The following AGFG1 variants were observed in gnomAD, a reference collection of about 807,000 sequenced individuals.
The protein encoded by AGFG1 is arf-GAP domain and FG repeat-containing protein 1.
AGFG1 carries 10 observed loss-of-function variants against 60.6 expected under a neutral mutation model. That is an observed-to-expected ratio of 0.16 (90% CI 0.10 to 0.28). AGFG1 has a LOEUF of 0.28. Ranked by LOEUF, AGFG1 falls within the 10% of genes least tolerant of loss-of-function variation. AGFG1 has a pLI of 1.00. For missense variants in AGFG1, 537 were observed against 676.5 expected (o/e 0.79, Z 2.29); for synonymous variants, 247 against 242.9 (o/e 1.02, Z -0.16).
chr2:227,508,320 G>T (rs977719092), intron 2 of AGFG1: 4 of 200,676 alleles, frequency 2.0e-5, no homozygotes, highest in African/African-American at 9.3e-5. Context: ...GTTTTAAGAG[G>T]TGGCTGGTAT....
At chr2:227,544,781 T>C (rs1295763523) in intron 10 of AGFG1, among the ~76,000 whole-genome samples, 2 of 152,316 alleles carry the variant, frequency 1.3e-5, no homozygotes, top group African/African-American at 4.8e-5. Context: ...TGTTGAATAT[T>C]GGCCACCACT....
intron 2 of AGFG1, among the ~76,000 whole-genome samples, chr2:227,492,535 T>A (rs1690850597): frequency 6.6e-6 from 1 of 152,090 alleles, no homozygotes; most frequent in Non-Finnish European, 1.5e-5. Flanking sequence ...AGAAAATATA[T>A]GCAAGCATTT....
intron 2 of AGFG1, among the ~76,000 whole-genome samples, chr2:227,492,188 T>C (rs188087476): frequency 1.3e-5 from 2 of 152,268 alleles, no homozygotes; most frequent in East Asian, 3.9e-4. Flanking sequence ...TTCTTGCCTT[T>C]AATGGGCTTC....
In AGFG1 at chr2:227,536,907, C is replaced by T. The variant is rs539587968; in HGVS notation, c.1292C>T (p.Pro431Leu). The T allele has an allele frequency of 1.2e-6, 2 of 1,611,966 alleles. No homozygotes were observed. Among genetic ancestry groups the T allele is most frequent in the Admixed American group, 1.7e-5 (1 of 59,938 alleles). Residue 431 changes from proline to leucine, a missense_variant, in exon 10 of 13, where the codon CCT (proline) becomes CTT (leucine). By Grantham distance (98) the Pro-to-Leu change is moderately conservative. Around this residue, in one of 4 missense-constraint regions of AGFG1, gnomAD observed 287 missense variants for 343.6 expected, o/e 0.84. Coordinates refer to ENST00000310078, the MANE Select transcript of AGFG1 (RefSeq NM_004504.5). The stretch of plus-strand genomic sequence containing the variant: ...ATTTTATAATTTTTTAAAGCTACGC[C>T]TTCCACAAATCCATTTGTTGCTGCT... Reference protein sequence around the residue: ...SSVPAPFGATPSTNPFVAAAG... With the variant: ...SSVPAPFGATLSTNPFVAAAG...
At position 227,536,581 on chromosome 2, in the gene AGFG1, T is replaced by A. The variant is rs764727488; in HGVS notation, c.1206-44T>A. 11 of 1,564,466 alleles carry A rather than the reference T, an allele frequency of 7.0e-6. No homozygotes were observed. The East Asian group carries it at 2.0e-4, about 29-fold the overall frequency. On this transcript the variant is annotated intron_variant, in intron 8 of 12. Transcript: ENST00000310078. ...TACCCTGTAAATCGTTACTTTCTTT[T>A]TTTTTTAAGAAAAAAAATGAACTCT... is the stretch of plus-strand genomic sequence containing the variant.
chr2:227,491,164 ATT>A (rs781196052), intron 1 of AGFG1, among the ~76,000 whole-genome samples: 10 of 152,174 alleles, frequency 6.6e-5, no homozygotes, highest in Admixed American at 2.6e-4. Context: ...TTATTATATC[ATT>A]GTTTCTTAGG....
At chr2:227,533,815 G>T (rs976365949) in intron 7 of AGFG1, 57 bp downstream of exon 7, 2 of 1,476,484 alleles carry the variant, frequency 1.4e-6, no homozygotes, top group African/African-American at 2.8e-5. Flanking sequence ...CTCTTAATTT[G>T]GTTGTATTTA....
In AGFG1 at chr2:227,491,577, A is replaced by G. The variant is rs145521380; in HGVS notation, c.198A>G (p.Lys66=). 8.3e-6 allele frequency: 13 copies of G among 1,567,818 alleles called. No individual in the cohort carries two copies. Among genetic ancestry groups the G allele is most frequent in the African/African-American group, 8.2e-5 (6 of 73,046 alleles). The change falls in exon 2 of 13, where the codon AAA becomes AAG. Residue 66 remains lysine (K), a synonymous_variant. Transcript: ENST00000310078. The stretch of plus-strand genomic sequence containing the variant: ...GATTAAATCCACCACACAGGGTGAA[A>G]TCTATCTCCATGACAACATTCACAC... The part of the protein sequence containing the change: ...LRGLNPPHRV[K]SISMTTFTQQ...
chr2:227,523,901 C>T lies in AGFG1; in HGVS notation c.516C>T (p.His172=), dbSNP rs933367043. 11 of 1,613,570 alleles carry T rather than the reference C, an allele frequency of 6.8e-6. No individual in the cohort carries two copies. Among genetic ancestry groups the T allele is most frequent in the Admixed American group, 1.7e-5 (1 of 59,930 alleles). ...SLLGDSAPTL[H]LNKGTPSQSP... ...TAGGGGATTCTGCACCAACACTGCA[C>T]TTAAATAAGGGCACACCTAGTCAGG... Residue 172 remains histidine (H), a synonymous_variant, in exon 4 of 13, where the codon CAC becomes CAT. Coordinates refer to ENST00000310078, the MANE Select transcript of AGFG1 (RefSeq NM_004504.5).
intron 1 of AGFG1, among the ~76,000 whole-genome samples, chr2:227,489,673 A>G (rs1690744610): frequency 6.6e-6 from 1 of 152,156 alleles, no homozygotes; most frequent in African/African-American, 2.4e-5. Flanking sequence ...ACTTTTCCCT[A>G]CTTTGAAATT....
At chr2:227,472,980 G>C (rs1690153961) in intron 1 of AGFG1, among the ~76,000 whole-genome samples, 2 of 150,748 alleles carry the variant, frequency 1.3e-5, no homozygotes, top group Non-Finnish European at 3.0e-5. Context: ...AAGACGCTAG[G>C]AGGCCGGGGG....
intron 1 of AGFG1, among the ~76,000 whole-genome samples, 162 bp from the exon 2 acceptor site, chr2:227,491,385 T>G (rs1690812020): frequency 1.3e-5 from 2 of 152,310 alleles, no homozygotes; most frequent in Admixed American, 1.3e-4. Context: ...TATCTATTAT[T>G]AAGTTTAATA....
intron 10 of AGFG1, among the ~76,000 whole-genome samples, chr2:227,548,896 C>T (rs555381037): frequency 1.7e-4 from 26 of 152,220 alleles, no homozygotes; most frequent in African/African-American, 5.8e-4. Context: ...GAGATCACAC[C>T]ACTGCACTCC....
intron 3 of AGFG1, among the ~76,000 whole-genome samples, chr2:227,522,773 C>CA (rs1483615661): frequency 6.6e-6 from 1 of 152,164 alleles, no homozygotes; most frequent in Non-Finnish European, 1.5e-5. Context: ...TTACAAAGAG[C>CA]AAAAGCTCTC....
At chr2:227,509,679 T>A (rs1234474183) in intron 2 of AGFG1, among the ~76,000 whole-genome samples, 2 of 151,996 alleles carry the variant, frequency 1.3e-5, no homozygotes, top group African/African-American at 4.8e-5. Context: ...GGGATGTGTT[T>A]CCACTATCAA....
intron 10 of AGFG1, among the ~76,000 whole-genome samples, chr2:227,543,469 T>C (rs1219188391): frequency 2.0e-5 from 3 of 152,142 alleles, no homozygotes; most frequent in African/African-American, 7.2e-5. Context: ...GCGGTTTTGA[T>C]TGAGTTTCTT....
At position 227,480,269 on chromosome 2, in the gene AGFG1, C is replaced by T. The variant is rs183641412; in HGVS notation, c.167+7681C>T. ...GGGAGAGGTAATACATTTATTTTTA[C>T]GACTCTAGGGGGAGATGCAACACCA... On this transcript the variant is annotated intron_variant, in intron 1 of 12. Coordinates refer to ENST00000310078, the MANE Select transcript of AGFG1 (RefSeq NM_004504.5). 2.6e-5 allele frequency among the ~76,000 whole-genome samples: 4 copies of T among 152,176 alleles called. No individual in the cohort carries two copies. In the East Asian group the frequency reaches 5.8e-4, roughly 22 times the overall value.
At chr2:227,489,971 A>G (rs542623562) in intron 1 of AGFG1, among the ~76,000 whole-genome samples, 89 of 152,126 alleles carry the variant, frequency 5.9e-4, no homozygotes, top group African/African-American at 1.9e-3. Flanking sequence ...GCATGCCACC[A>G]CGCCCAGCTT....
chr2:227,538,787 G>T, intron 10 of AGFG1, among the ~76,000 whole-genome samples: 1 of 152,020 alleles, frequency 6.6e-6, no homozygotes, highest in Non-Finnish European at 1.5e-5. Context: ...TGCAAGTTTT[G>T]TAAAAGTTGA....
Sources: allele counts gnomAD v4.1 joint callset (sites outside exome capture counted in the v4.1 genomes callset), GRCh38; gene constraint gnomAD v4.1.1; regional missense constraint gnomAD v4.1.1; transcripts MANE v1.5; gene names NCBI Gene and HGNC (gene_info 2026-07-23, HGNC 2026-07-21).